Variants in ARK2N observed in about 807,000 individuals in gnomAD.
ARK2N encodes the protein protein ARK2N.
chr18:46,182,204 C>G, the ARK2N span, among the ~76,000 whole-genome samples: 1 of 152,128 alleles, frequency 6.6e-6, no homozygotes, highest in African/African-American at 2.4e-5. Context: ...TTAGTTTTAA[C>G]CTAGCATAGA....
At chr18:46,200,091 TGC>T in the ARK2N span, among the ~76,000 whole-genome samples, 1,933 of 147,554 alleles carry the variant, frequency 0.013, 55 homozygotes, top group East Asian at 0.12. Flanking sequence ...TGTGTGTGTG[TGC>T]GCGCGCGTGC....
chr18:46,226,344 A>G, the ARK2N span, among the ~76,000 whole-genome samples: 4 of 152,200 alleles, frequency 2.6e-5, no homozygotes, highest in Non-Finnish European at 4.4e-5. Flanking sequence ...GCTTTAATTT[A>G]AAGCTCAGTG....
the ARK2N span, among the ~76,000 whole-genome samples, chr18:46,189,941 G>C: frequency 6.6e-6 from 1 of 152,020 alleles, no homozygotes; most frequent in Non-Finnish European, 1.5e-5. Flanking sequence ...CAGACATTCA[G>C]AACTTTTATG....
At chr18:46,260,913 T>G in the ARK2N span, among the ~76,000 whole-genome samples, 1 of 152,236 alleles carries the variant, frequency 6.6e-6, no homozygotes. Context: ...ATAAACAGAT[T>G]AGATCAGATT....
chr18:46,197,337 C>T, the ARK2N span, among the ~76,000 whole-genome samples: 1 of 151,854 alleles, frequency 6.6e-6, no homozygotes, highest in East Asian at 1.9e-4. Flanking sequence ...CAGGTTCAAG[C>T]GATTGTCCTG....
the ARK2N span, among the ~76,000 whole-genome samples, chr18:46,204,874 T>C: frequency 1.2e-4 from 19 of 152,116 alleles, no homozygotes; most frequent in African/African-American, 4.6e-4. Context: ...GGAAGGACGA[T>C]ACAGTTTTAG....
At chr18:46,194,014 T>C in the ARK2N span, among the ~76,000 whole-genome samples, 2 of 152,154 alleles carry the variant, frequency 1.3e-5, no homozygotes, top group Non-Finnish European at 2.9e-5. Flanking sequence ...TTTGTTTCTT[T>C]CTTTTTTAAG....
chr18:46,208,776 A>T, the ARK2N span, among the ~76,000 whole-genome samples: 1 of 152,088 alleles, frequency 6.6e-6, no homozygotes, highest in East Asian at 1.9e-4. Context: ...TCTGTTCTTA[A>T]ATCTTTTATG....
the ARK2N span, among the ~76,000 whole-genome samples, chr18:46,201,656 T>G: frequency 6.6e-6 from 1 of 152,206 alleles, no homozygotes; most frequent in South Asian, 2.1e-4. Context: ...AGTTTCTTGG[T>G]AAGCCCTCTG....
the ARK2N span, chr18:46,215,685 A>AAT: frequency 6.5e-5 from 29 of 443,158 alleles, no homozygotes; most frequent in African/African-American, 2.6e-4. Flanking sequence ...AGCAGATAAT[A>AAT]ATATATATAT....
the ARK2N span, chr18:46,216,115 C>T: frequency 1.9e-6 from 3 of 1,613,978 alleles, no homozygotes; most frequent in Non-Finnish European, 2.5e-6. The surrounding 1 kb of genome is among the most constrained non-coding windows in gnomAD (Gnocchi z 4.3). Flanking sequence ...GAGTGACAAG[C>T]CTACAACTGG....
the ARK2N span, among the ~76,000 whole-genome samples, chr18:46,229,353 C>T: frequency 2.2e-3 from 337 of 152,030 alleles, 1 homozygote; most frequent in Non-Finnish European, 4.2e-3. Context: ...ATGGTAAGTA[C>T]TTGTTGTTTT....
At chr18:46,211,767 A>G in the ARK2N span, among the ~76,000 whole-genome samples, 3 of 152,200 alleles carry the variant, frequency 2.0e-5, no homozygotes, top group African/African-American at 4.8e-5. Context: ...TGCTGTTCTA[A>G]TAGGAAAAAT....
the ARK2N span, among the ~76,000 whole-genome samples, chr18:46,250,055 A>C: frequency 6.8e-6 from 1 of 147,572 alleles, no homozygotes; most frequent in East Asian, 2.0e-4. Flanking sequence ...TGTGTTTTCT[A>C]GACCACTTTT....
At chr18:46,176,309 C>T in the ARK2N span, among the ~76,000 whole-genome samples, 1 of 152,166 alleles carries the variant, frequency 6.6e-6, no homozygotes, top group Non-Finnish European at 1.5e-5. Flanking sequence ...TTCATGTACA[C>T]TAGAGACCCA....
the ARK2N span, among the ~76,000 whole-genome samples, chr18:46,243,596 G>A: frequency 2.0e-5 from 3 of 152,140 alleles, no homozygotes; most frequent in South Asian, 2.1e-4. Context: ...AAAGTAAGTC[G>A]AAATTAGAGA....
the ARK2N span, among the ~76,000 whole-genome samples, chr18:46,238,897 T>C: frequency 6.6e-6 from 1 of 152,188 alleles, no homozygotes; most frequent in East Asian, 1.9e-4. Flanking sequence ...TTTCATAAAA[T>C]AGGTGTGTTT....
the ARK2N span, among the ~76,000 whole-genome samples, chr18:46,192,223 CATT>C: frequency 6.6e-6 from 1 of 152,054 alleles, no homozygotes; most frequent in Non-Finnish European, 1.5e-5. Context: ...TGATACAGCT[CATT>C]ATTATAGGAT....
chr18:46,212,994 T>G, the ARK2N span, among the ~76,000 whole-genome samples: 2 of 120,936 alleles, frequency 1.7e-5, no homozygotes, highest in African/African-American at 7.6e-5. Context: ...AGAAGAATTT[T>G]TTTTTTTTTT....
Sources: allele counts gnomAD v4.1 joint callset (sites outside exome capture counted in the v4.1 genomes callset), GRCh38; gene constraint gnomAD v4.1.1; non-coding constraint Gnocchi (gnomAD v3.1); transcripts MANE v1.5; gene names NCBI Gene and HGNC (gene_info 2026-07-23, HGNC 2026-07-21).